The following PDE1C variants were observed in gnomAD, a reference collection of about 807,000 sequenced individuals.
PDE1C encodes the protein dual specificity calcium/calmodulin-dependent 3',5'-cyclic nucleotide phosphodiesterase 1C.
A neutral mutation model predicts 93.1 loss-of-function variants in PDE1C; 62 were observed. The observed-to-expected ratio is 0.67, with a 90% CI of 0.54 to 0.82. PDE1C has a LOEUF of 0.82. Ranked by LOEUF, PDE1C falls within the 40% of genes least tolerant of loss-of-function variation. The pLI, the probability that PDE1C is intolerant of heterozygous loss-of-function variation, is 0.00. For missense variants in PDE1C, 742 were observed against 884.6 expected, an observed-to-expected ratio of 0.84 and a Z score of 2.04; for synonymous variants, 325 against 310.1, an observed-to-expected ratio of 1.05 and a Z score of -0.50.
intron 2 of PDE1C, among the ~76,000 whole-genome samples, chr7:31,910,120 CGCCCAGGGTGACTTCTACTGCA>C (rs1181881039): frequency 6.6e-6 from 1 of 152,100 alleles, no homozygotes; most frequent in African/African-American, 2.4e-5. Context: ...AATGGAAACA[CGCCCAGGGTGACTTCTACTGCA>C]GCCAGAAGCA....
chr7:32,204,143 T>TACA, intron 2 of PDE1C, among the ~76,000 whole-genome samples: 1 of 151,930 alleles, frequency 6.6e-6, no homozygotes, highest in East Asian at 1.9e-4. Context: ...CACTAACGTG[T>TACA]AGGTAGCATC....
intron 2 of PDE1C, among the ~76,000 whole-genome samples, chr7:32,029,084 C>G (rs929703478): frequency 6.6e-6 from 1 of 152,002 alleles, no homozygotes; most frequent in Non-Finnish European, 1.5e-5. Flanking sequence ...GGCAAGGGAC[C>G]TAAATAGATA....
At chr7:31,779,120 G>C (rs768866881) in intron 16 of PDE1C, among the ~76,000 whole-genome samples, 2 of 152,184 alleles carry the variant, frequency 1.3e-5, no homozygotes, top group Non-Finnish European at 2.9e-5. Flanking sequence ...CGAGGTTTAG[G>C]GACCTGGGTA....
chr7:32,200,844 T>C (rs569424170), intron 2 of PDE1C, among the ~76,000 whole-genome samples: 20 of 152,350 alleles, frequency 1.3e-4, no homozygotes, highest in Admixed American at 5.9e-4. Context: ...CAGCATCACA[T>C]TGCAAGAAGA....
intron 1 of PDE1C, among the ~76,000 whole-genome samples, chr7:32,314,109 G>C (rs954805832): frequency 1.3e-5 from 2 of 151,812 alleles, no homozygotes; most frequent in African/African-American, 4.8e-5. Flanking sequence ...CCCCAGAAAG[G>C]CTCTTTTTAT....
chr7:31,672,761 T>C, the PDE1C span, among the ~76,000 whole-genome samples: 2 of 152,160 alleles, frequency 1.3e-5, no homozygotes, highest in Non-Finnish European at 2.9e-5. Flanking sequence ...GTAAACGGAA[T>C]GGGAAAGCTT....
chr7:32,016,843 T>C (rs576219569), intron 2 of PDE1C, among the ~76,000 whole-genome samples: 41 of 152,314 alleles, frequency 2.7e-4, no homozygotes, highest in Middle Eastern at 3.4e-3. Flanking sequence ...AATACTTCTC[T>C]GGATAACAGA....
chr7:31,829,084 C>A (rs939973214), intron 11 of PDE1C, among the ~76,000 whole-genome samples: 35 of 151,984 alleles, frequency 2.3e-4, no homozygotes, highest in Non-Finnish European at 3.8e-4. Flanking sequence ...ACTTGTCATA[C>A]CCCCAGAGGA....
rs367823531 is a variant in PDE1C at position 32,361,976 on chromosome 7, G to A, written c.310+65846C>T. ...TTGTGCCAGAGGCTGGAGCTGCAAA[G>A]ATGGATAAATGGCTCTGCTCTGTGG... On this transcript the variant is annotated intron_variant, in intron 1 of 1. Transcript: ENST00000672256. Among the ~76,000 whole-genome samples, 9 of 152,354 alleles carry A rather than the reference G, an allele frequency of 5.9e-5. 2 individuals carry two copies. Among genetic ancestry groups the A allele is most frequent in the East Asian group, 1.9e-4 (1 of 5,188 alleles).
chr7:32,256,138 T>C (rs1308494667), intron 1 of PDE1C, among the ~76,000 whole-genome samples: 2 of 152,184 alleles, frequency 1.3e-5, no homozygotes, highest in Non-Finnish European at 2.9e-5. Context: ...AGTTCCAGTG[T>C]GTTTTGCCAC....
At chr7:32,224,103 T>C (rs1807076094) in intron 1 of PDE1C, among the ~76,000 whole-genome samples, 1 of 152,220 alleles carries the variant, frequency 6.6e-6, no homozygotes, top group Admixed American at 6.5e-5. Flanking sequence ...CCGGGCACAG[T>C]GGCTCACACC....
chr7:31,896,539 G>A (rs73306584), intron 2 of PDE1C, among the ~76,000 whole-genome samples: 5,826 of 152,084 alleles, frequency 0.038, 354 homozygotes, highest in African/African-American at 0.13. Flanking sequence ...ATTCACCTCC[G>A]TAGCAGCCAG....
intron 2 of PDE1C, among the ~76,000 whole-genome samples, chr7:32,193,544 C>A (rs1003970538): frequency 1.3e-5 from 2 of 152,066 alleles, no homozygotes; most frequent in Admixed American, 6.6e-5. Flanking sequence ...TTATTGAATT[C>A]TATTTGTGAA....
the PDE1C span, among the ~76,000 whole-genome samples, chr7:31,653,888 G>C: frequency 6.6e-6 from 1 of 152,166 alleles, no homozygotes; most frequent in Non-Finnish European, 1.5e-5. Flanking sequence ...ACAGAAGAGG[G>C]AAGGAGGATC....
At chr7:32,169,187 A>T (rs912106665) in intron 3 of PDE1C, among the ~76,000 whole-genome samples, 2 of 152,232 alleles carry the variant, frequency 1.3e-5, no homozygotes, top group African/African-American at 4.8e-5. Flanking sequence ...TTTTTATTTA[A>T]TATGGGTGAG....
intron 2 of PDE1C, among the ~76,000 whole-genome samples, chr7:32,025,694 G>C (rs1368115236): frequency 6.6e-6 from 1 of 152,156 alleles, no homozygotes; most frequent in Non-Finnish European, 1.5e-5. Context: ...GTTAAGATCA[G>C]TTACTGGCTG....
chr7:32,208,965 T>C (rs909084671), intron 2 of PDE1C, among the ~76,000 whole-genome samples: 1 of 152,208 alleles, frequency 6.6e-6, no homozygotes, highest in East Asian at 1.9e-4. Flanking sequence ...GAAAAGCCAG[T>C]GGAGTTAGTC....
the PDE1C span, among the ~76,000 whole-genome samples, chr7:31,681,330 T>C: frequency 2.0e-5 from 3 of 151,660 alleles, no homozygotes; most frequent in Non-Finnish European, 4.4e-5. Flanking sequence ...CTTCATGAAA[T>C]TCCTCACAGT....
chr7:31,812,157 A>G (rs898650198), intron 15 of PDE1C, among the ~76,000 whole-genome samples: 7 of 152,122 alleles, frequency 4.6e-5, no homozygotes, highest in Non-Finnish European at 8.8e-5. Context: ...TTATTGCTCT[A>G]AACTGCTTTC....
Sources: allele counts gnomAD v4.1 joint callset (sites outside exome capture counted in the v4.1 genomes callset), GRCh38; gene constraint gnomAD v4.1.1; transcripts MANE v1.5; gene names NCBI Gene and HGNC (gene_info 2026-07-23, HGNC 2026-07-21).